Variants in GREB1L observed in about 807,000 individuals in gnomAD.
GREB1L encodes the protein GREB1 like retinoic acid receptor coactivator, also known as GREB1-like protein.
GREB1L carries 17 observed loss-of-function variants against 200.8 expected under a neutral mutation model. The ratio of observed to expected loss-of-function variants is 0.08; its 90% CI spans 0.06 to 0.13. The LOEUF (loss-of-function observed/expected upper bound fraction) is 0.13. Among genes scored for constraint, GREB1L ranks in the 10% least tolerant of loss-of-function variants. GREB1L has a pLI of 1.00. For synonymous variants in GREB1L, 789 were observed against 893.0 expected, an observed-to-expected ratio of 0.88 and a Z score of 2.08; for missense variants, 1,657 against 2,367.7, an observed-to-expected ratio of 0.70 and a Z score of 6.23.
At chr18:21,501,066 C>CAAAA (rs11295281) in intron 23 of GREB1L, among the ~76,000 whole-genome samples, 5 of 86,876 alleles carry the variant, frequency 5.8e-5, no homozygotes, top group Non-Finnish European at 1.1e-4. Context: ...GACTTTGTCT[C>CAAAA]AAAAAAAAAA....
chr18:21,304,795 T>C (rs2038674127), intron 1 of GREB1L, among the ~76,000 whole-genome samples: 1 of 152,116 alleles, frequency 6.6e-6, no homozygotes, highest in Non-Finnish European at 1.5e-5. Context: ...GGAATGGGAA[T>C]GGAAAATGCT....
chr18:21,375,375 T>A (rs1407879786), intron 2 of GREB1L, among the ~76,000 whole-genome samples: 1 of 151,704 alleles, frequency 6.6e-6, no homozygotes, highest in South Asian at 2.1e-4. Flanking sequence ...ATGTGAGGAG[T>A]TTTTTATTAG....
intron 7 of GREB1L, among the ~76,000 whole-genome samples, chr18:21,438,792 A>G (rs1408547199): frequency 6.6e-6 from 1 of 151,494 alleles, no homozygotes; most frequent in Non-Finnish European, 1.5e-5. Flanking sequence ...CCCCATCTCT[A>G]CTAAAAAAAA....
In GREB1L at chr18:21,330,448, G is replaced by A. The variant is rs1243035930; in HGVS notation, c.-119-35579G>A. On this transcript the variant is annotated intron_variant, in intron 1 of 32. Transcript: ENST00000424526. ...AACCTCTGCTGTTGATACTGGGTGCGCTCTTACCACCACTTAGAAATCTCT... is the reference window on the plus strand; with the variant it reads ...AACCTCTGCTGTTGATACTGGGTGCACTCTTACCACCACTTAGAAATCTCT... Among the ~76,000 whole-genome samples, 13 of 152,226 alleles carry A rather than the reference G, an allele frequency of 8.5e-5. No individual in the cohort carries two copies. In the East Asian group the frequency reaches 2.1e-3, roughly 25 times the overall value.
At chr18:21,514,746 T>C (rs1218123271) in intron 28 of GREB1L, among the ~76,000 whole-genome samples, 1 of 152,194 alleles carries the variant, frequency 6.6e-6, no homozygotes, top group African/African-American at 2.4e-5. Context: ...TCATGCTTCT[T>C]AACTGTCTGT....
At chr18:21,482,281 G>A (rs1255299274) in intron 17 of GREB1L, among the ~76,000 whole-genome samples, 6 of 152,162 alleles carry the variant, frequency 3.9e-5, no homozygotes, top group South Asian at 2.1e-4. Context: ...TTTTTGAGAC[G>A]GAGTCTCACT....
intron 1 of GREB1L, among the ~76,000 whole-genome samples, chr18:21,327,725 T>TG (rs1227963396): frequency 1.4e-5 from 2 of 140,764 alleles, no homozygotes; most frequent in East Asian, 4.1e-4. Flanking sequence ...GGTGGGGAGG[T>TG]GGGGGGCACG....
intron 2 of GREB1L, among the ~76,000 whole-genome samples, chr18:21,368,129 T>C (rs1307011443): frequency 6.6e-6 from 1 of 152,248 alleles, no homozygotes; most frequent in Non-Finnish European, 1.5e-5. Context: ...AATTTATAAA[T>C]TTACAATATC....
At chr18:21,327,970 T>C (rs1342528401) in intron 1 of GREB1L, among the ~76,000 whole-genome samples, 1 of 152,144 alleles carries the variant, frequency 6.6e-6, no homozygotes. Flanking sequence ...CGCCTCAGCC[T>C]CCCAAAGTGC....
intron 1 of GREB1L, among the ~76,000 whole-genome samples, chr18:21,310,078 G>T (rs1403512220): frequency 6.6e-6 from 1 of 152,146 alleles, no homozygotes; most frequent in Non-Finnish European, 1.5e-5. Flanking sequence ...TGTGGCTAGG[G>T]CAACTGAGAA....
At chr18:21,467,198 T>C (rs997299604) in intron 15 of GREB1L, among the ~76,000 whole-genome samples, 5 of 152,224 alleles carry the variant, frequency 3.3e-5, no homozygotes, top group African/African-American at 1.2e-4. Context: ...CTAATAATTA[T>C]TTCTTGTATA....
At chr18:21,515,357 C>A in intron 28 of GREB1L, 60 bp from the exon 29 acceptor site, 1 of 1,205,332 alleles carries the variant, frequency 8.3e-7, no homozygotes. Context: ...GTAGACACTT[C>A]ACAAATGATC....
chr18:21,488,714 T>C (rs1443628821), intron 18 of GREB1L, among the ~76,000 whole-genome samples: 4 of 152,162 alleles, frequency 2.6e-5, no homozygotes, highest in South Asian at 2.1e-4. Context: ...TGGAGTGCAA[T>C]GGCATGATCT....
chr18:21,426,985 A>C (rs866855707), intron 7 of GREB1L, among the ~76,000 whole-genome samples: 14 of 92,292 alleles, frequency 1.5e-4, no homozygotes, highest in East Asian at 5.7e-4. Flanking sequence ...AAAAAAAAAA[A>C]AACAAAAAAA....
intron 17 of GREB1L, among the ~76,000 whole-genome samples, chr18:21,482,642 ATTT>A (rs35313539): frequency 2.5e-5 from 3 of 118,098 alleles, no homozygotes; most frequent in Admixed American, 9.7e-5. Context: ...TAGATTACAG[ATTT>A]TTTTTTTTTT....
At chr18:21,516,854 G>C in intron 30 of GREB1L, 100 bp downstream of exon 30, 6 of 789,062 alleles carry the variant, frequency 7.6e-6, no homozygotes, top group African/African-American at 1.8e-5. Context: ...TATTTTATTA[G>C]AAAAGTGAAA....
chr18:21,396,595 TATAG>T (rs896333716), intron 5 of GREB1L, among the ~76,000 whole-genome samples: 2 of 152,206 alleles, frequency 1.3e-5, no homozygotes, highest in African/African-American at 4.8e-5. Context: ...TCCAATGTCA[TATAG>T]ATAGATATTT....
At chr18:21,460,297 C>G (rs1352017948) in intron 15 of GREB1L, among the ~76,000 whole-genome samples, 3 of 152,154 alleles carry the variant, frequency 2.0e-5, no homozygotes, top group Non-Finnish European at 2.9e-5. Flanking sequence ...ACCTCAGCCT[C>G]CCGAGTAGCT....
intron 21 of GREB1L, among the ~76,000 whole-genome samples, chr18:21,497,670 GA>G (rs201531645): frequency 2.0e-5 from 3 of 148,294 alleles, no homozygotes; most frequent in Non-Finnish European, 3.0e-5. Flanking sequence ...AAGAGAGAGG[GA>G]AAAAAAAAGA....
Sources: allele counts gnomAD v4.1 joint callset (sites outside exome capture counted in the v4.1 genomes callset), GRCh38; gene constraint gnomAD v4.1.1; transcripts MANE v1.5; gene names NCBI Gene and HGNC (gene_info 2026-07-23, HGNC 2026-07-21).